The following OVCH2 variants were observed in gnomAD, a reference collection of about 807,000 sequenced individuals.
The protein encoded by OVCH2 is ovochymase-2.
Under a neutral mutation model 73.7 loss-of-function variants are expected in OVCH2, and 88 were observed. The ratio of observed to expected loss-of-function variants is 1.19; its 90% confidence interval spans 1.01 to 1.43. The LOEUF is 1.43. Among genes scored for constraint, OVCH2 ranks in the 40% most tolerant of loss-of-function variants. The pLI, the probability that OVCH2 is intolerant of heterozygous loss-of-function variation, is 0.00. For missense variants in OVCH2, 706 were observed against 674.5 expected (o/e 1.05, Z -0.52); for synonymous variants, 265 against 234.5 (o/e 1.13, Z -1.19).
intron 6 of OVCH2, among the ~76,000 whole-genome samples, 175 bp from the exon 7 acceptor site, chr11:7,700,660 C>T (rs1856420422): frequency 6.6e-6 from 1 of 152,228 alleles, no homozygotes; most frequent in South Asian, 2.1e-4. Flanking sequence ...TGATCCTCAA[C>T]TATCACTGGA....
intron 8 of OVCH2, among the ~76,000 whole-genome samples, chr11:7,697,197 C>A (rs114242901): frequency 6.6e-6 from 1 of 152,084 alleles, no homozygotes; most frequent in East Asian, 1.9e-4. Context: ...CTGCCACACC[C>A]GGCTAATTTT....
At chr11:7,685,640 C>T (rs768179369), downstream of OVCH2, among the ~76,000 whole-genome samples, 4 of 148,006 alleles carry the variant, frequency 2.7e-5, no homozygotes, top group Admixed American at 6.6e-5. Context: ...AGCTCCCACC[C>T]GGTCGGTGTC....
chr11:7,688,502 G>A (rs75667685), downstream of OVCH2, among the ~76,000 whole-genome samples: 5,917 of 152,164 alleles, frequency 0.039, 162 homozygotes, highest in Non-Finnish European at 0.058. Context: ...GGGCTTCTTT[G>A]CATCATGAGG....
chr11:7,687,823 T>C (rs1036782043), downstream of OVCH2, among the ~76,000 whole-genome samples: 5 of 152,158 alleles, frequency 3.3e-5, no homozygotes, highest in African/African-American at 1.2e-4. Flanking sequence ...TATTGGCAGA[T>C]CCAGTGTCTG....
chr11:7,679,922 C>G, the OVCH2 span, among the ~76,000 whole-genome samples: 1 of 152,164 alleles, frequency 6.6e-6, no homozygotes, highest in Non-Finnish European at 1.5e-5. Flanking sequence ...ACGTGGAGGT[C>G]CCTAGGGCAC....
chr11:7,701,544 TTG>T (rs1589880594), intron 5 of OVCH2, 69 bp from the exon 6 acceptor site: 1 of 1,549,302 alleles, frequency 6.5e-7, no homozygotes, highest in Non-Finnish European at 8.7e-7. Flanking sequence ...GATGCATCAT[TTG>T]TGTTTGTGTC....
chr11:7,694,837 G>A (rs1388201367), intron 12 of OVCH2, among the ~76,000 whole-genome samples: 1 of 142,830 alleles, frequency 7.0e-6, no homozygotes, highest in Non-Finnish European at 1.5e-5. Context: ...AAAGTAAGGA[G>A]CACAGTGCCA....
At chr11:7,696,687 G>T in intron 9 of OVCH2, 22 bp downstream of exon 9, 1 of 1,613,862 alleles carries the variant, frequency 6.2e-7, no homozygotes, top group Non-Finnish European at 8.5e-7. Flanking sequence ...TAAGGAGGAG[G>T]AGTACAAAGG....
chr11:7,686,188 C>T (rs1211600389), downstream of OVCH2, among the ~76,000 whole-genome samples: 3 of 152,240 alleles, frequency 2.0e-5, no homozygotes, highest in East Asian at 1.9e-4. Flanking sequence ...TGAAGTCCTG[C>T]TCCACCAGTT....
intron 10 of OVCH2, 103 bp from the exon 11 acceptor site, chr11:7,695,813 C>T: frequency 1.4e-6 from 2 of 1,452,420 alleles, no homozygotes; most frequent in Non-Finnish European, 9.4e-7. Context: ...CAGGATTGTC[C>T]AATCCAAAGT....
chr11:7,693,355 G>A (rs545496351), intron 12 of OVCH2, among the ~76,000 whole-genome samples: 3 of 152,142 alleles, frequency 2.0e-5, no homozygotes, highest in African/African-American at 7.2e-5. Context: ...GATACTTTCT[G>A]GGAAGGGGCC....
At chr11:7,693,983 A>G (rs1202505641) in intron 12 of OVCH2, among the ~76,000 whole-genome samples, 3 of 152,062 alleles carry the variant, frequency 2.0e-5, no homozygotes, top group Non-Finnish European at 4.4e-5. Flanking sequence ...TTTGTGTTTT[A>G]AGTTAAAGGC....
In OVCH2 at chr11:7,701,521, T is replaced by C. The variant is rs536130715; in HGVS notation, c.560-46A>G. ...AGCCCCAGCAGGAACTCTTTCACCCTTTCTGAGTTGAAGATGCATCATTTG... is the reference window on the plus strand; with the variant it reads ...AGCCCCAGCAGGAACTCTTTCACCCCTTCTGAGTTGAAGATGCATCATTTG... On this transcript the variant is annotated intron_variant, in intron 5 of 15. Coordinates refer to ENST00000533663, the MANE Select transcript of OVCH2 (RefSeq NM_198185.7). The C allele has an allele frequency of 5.9e-4, 934 of 1,584,564 alleles. 3 individuals carry two copies. Among genetic ancestry groups the C allele is most frequent in the Non-Finnish European group, 5.6e-4 (657 of 1,166,750 alleles).
At chr11:7,691,145 G>C in intron 14 of OVCH2, 124 bp downstream of exon 14, 2 of 1,208,752 alleles carry the variant, frequency 1.7e-6, no homozygotes, top group Non-Finnish European at 2.3e-6. Flanking sequence ...ATGGTGACTT[G>C]ATAGGATGTA....
intron 10 of OVCH2, 107 bp from the exon 11 acceptor site, chr11:7,695,817 C>T (rs1856322123): frequency 7.0e-7 from 1 of 1,430,202 alleles, no homozygotes; most frequent in Admixed American, 2.0e-5. Flanking sequence ...ATTGTCCAAT[C>T]CAAAGTTTCT....
chr11:7,696,656 G>A (rs1047618711), intron 9 of OVCH2, 53 bp downstream of exon 9: 1 of 1,613,682 alleles, frequency 6.2e-7, no homozygotes, highest in African/African-American at 1.3e-5. Context: ...CCAATTGGTG[G>A]GCCCAGACCG....
intron 5 of OVCH2, 119 bp from the exon 6 acceptor site, chr11:7,701,594 T>A: frequency 6.8e-7 from 1 of 1,465,142 alleles, no homozygotes; most frequent in Non-Finnish European, 9.3e-7. Flanking sequence ...CAATGTGACA[T>A]TCCCTATCTT....
downstream of OVCH2, among the ~76,000 whole-genome samples, chr11:7,688,869 T>C (rs79741985): frequency 6.2e-3 from 939 of 152,330 alleles, 11 homozygotes; most frequent in African/African-American, 0.022. Context: ...GTATACTTGC[T>C]ATTTTTCAGA....
chr11:7,683,569 T>C, the OVCH2 span, among the ~76,000 whole-genome samples: 1 of 152,326 alleles, frequency 6.6e-6, no homozygotes, highest in South Asian at 2.1e-4. Context: ...AGAGTGATCT[T>C]GTTACAATGA....
Sources: gnomAD v4.1 joint callset for allele counts (sites outside exome capture counted in the v4.1 genomes callset) on GRCh38, gnomAD v4.1.1 for gene constraint, MANE v1.5 for transcripts, NCBI Gene and HGNC (gene_info 2026-07-23, HGNC 2026-07-21) for gene names.